Variants in RYR1 observed in about 807,000 individuals in gnomAD.
RYR1 encodes ryanodine receptor 1, also known as central core disease of muscle.
Under a neutral mutation model 583.5 loss-of-function variants are expected in RYR1, and 342 were observed. The observed-to-expected ratio is 0.59, with a 90% confidence interval of 0.54 to 0.64. The LOEUF is 0.64. Ranked by LOEUF, RYR1 falls within the 30% of genes least tolerant of loss-of-function variation. The pLI is 0.00. For synonymous variants in RYR1, 2,791 were observed against 2,822.5 expected, an observed-to-expected ratio of 0.99 and a Z score of 0.35; for missense variants, 6,032 against 6,917.2, an observed-to-expected ratio of 0.87 and a Z score of 4.54.
At chr19:38,490,577 T>C in intron 36 of RYR1, 44 bp from the exon 37 acceptor site, 1 of 1,254,388 alleles carries the variant, frequency 8.0e-7, no homozygotes, top group African/African-American at 1.5e-5. Flanking sequence ...GAGTTCCTGC[T>C]TTGGGATCTC....
In RYR1 at chr19:38,489,374, A is replaced by T; in HGVS notation, c.5745A>T (p.Glu1915Asp). 6.2e-7 allele frequency: 1 copy of T among 1,614,000 alleles called. No individual in the cohort carries two copies. Among genetic ancestry groups the T allele is most frequent in the Non-Finnish European group, 8.5e-7 (1 of 1,179,908 alleles). ...AAAAAGAGGAAGAGGAGGCAGCAGA[A>T]GGGGAGAAAGAAGAAGGCTTGGAGG... Reference protein sequence around the residue: ...DEEKEEEEAAEGEKEEGLEEG... With the variant: ...DEEKEEEEAADGEKEEGLEEG... Residue 1915 changes from glutamate to aspartate, a missense_variant, in exon 35 of 106, where the codon GAA (glutamate) becomes GAT (aspartate). Coordinates refer to ENST00000359596, the MANE Select transcript of RYR1 (RefSeq NM_000540.3).
intron 20 of RYR1, 112 bp downstream of exon 20, chr19:38,460,703 C>T (rs1034236215): frequency 1.4e-5 from 15 of 1,058,082 alleles, no homozygotes; most frequent in African/African-American, 4.7e-5. Flanking sequence ...GATGGCCAGG[C>T]GTGGTGGCTC....
Position 38,475,399 on chromosome 19 carries a change from G to C in RYR1, c.4242G>C (p.Val1414=). 1 of 1,613,978 alleles carries C rather than the reference G, an allele frequency of 6.2e-7. No individual in the cohort carries two copies. The highest frequency in any genetic ancestry group is 8.5e-7 in the Non-Finnish European group (1 of 1,179,996). ...TPTLPRLPHD[V]VPADNRDDPE... is the part of the protein sequence containing the mutation. ...CGCTGCCCCGACTCCCTCACGACGT[G>C]GTGCCTGCAGACAACCGCGATGACC... Residue 1414 remains valine (V), a synonymous_variant, in exon 29 of 106, where the codon GTG becomes GTC. Transcript: ENST00000359596.
rs1600845565 is a variant in RYR1 at position 38,505,005 on chromosome 19, T to C, written c.8234T>C (p.Val2745Ala). 2 of 1,614,172 alleles carry C rather than the reference T, an allele frequency of 1.2e-6. No homozygotes were observed. Among genetic ancestry groups the C allele is most frequent in the Non-Finnish European group, 1.7e-6 (2 of 1,180,022 alleles). ...FDPRPVETLN[V>A]IIPEKLDSFI... Reference sequence around the variant, plus strand: ...TGCTGACCCTGTGCCCCCAACAGTGTGATCATCCCGGAGAAGCTGGACTCC... The same window carrying C: ...TGCTGACCCTGTGCCCCCAACAGTGCGATCATCCCGGAGAAGCTGGACTCC... Residue 2745 changes from valine (V) to alanine (A), a missense_variant and splice_region_variant, in exon 52 of 106, where the codon GTG becomes GCG. This residue lies in a region of RYR1 where 1,493 missense variants were observed against 1,715.5 expected (regional missense o/e 0.87). Coordinates refer to ENST00000359596, the MANE Select transcript of RYR1 (RefSeq NM_000540.3).
intron 87 of RYR1, among the ~76,000 whole-genome samples, chr19:38,544,090 T>G (rs1045651410): frequency 3.3e-5 from 5 of 152,100 alleles, no homozygotes; most frequent in Admixed American, 6.6e-5. Flanking sequence ...AATCAGCTGG[T>G]TTTCCATCCA....
chr19:38,555,599 A>G (rs949480094), intron 89 of RYR1, among the ~76,000 whole-genome samples: 1 of 152,180 alleles, frequency 6.6e-6, no homozygotes, highest in Non-Finnish European at 1.5e-5. Flanking sequence ...ACAGTCCTTT[A>G]AATCATCAAA....
At chr19:38,546,589 C>T (rs1972434011) in intron 88 of RYR1, 63 bp downstream of exon 88, 1 of 1,332,694 alleles carries the variant, frequency 7.5e-7, no homozygotes, top group African/African-American at 1.5e-5. Flanking sequence ...TGAGAATGGC[C>T]CCCTGAGACC....
intron 89 of RYR1, among the ~76,000 whole-genome samples, chr19:38,548,939 T>C (rs1972546827): frequency 6.6e-6 from 1 of 152,228 alleles, no homozygotes; most frequent in African/African-American, 2.4e-5. Flanking sequence ...GTTATTACTG[T>C]TATCTTTATT....
rs900088118 is a variant in RYR1, at chr19:38,460,606, G to A, written c.2577+15G>A. On this transcript the variant is annotated intron_variant, in intron 20 of 105. Transcript: ENST00000359596. ...ACACTGTCCAGGTACTGCCTGCCCT[G>A]CAAAGGTTTTCTGGCGAGGCAGGGT... The A allele has an allele frequency of 6.2e-7, 1 of 1,606,220 alleles. No individual in the cohort carries two copies. Among genetic ancestry groups the A allele is most frequent in the East Asian group, 2.2e-5 (1 of 44,870 alleles).
At chr19:38,472,749 A>T (rs1388317301) in intron 27 of RYR1, among the ~76,000 whole-genome samples, 1 of 150,264 alleles carries the variant, frequency 6.7e-6, no homozygotes, top group Admixed American at 6.7e-5. Flanking sequence ...GTGTTGGCTC[A>T]TGCTTGAATC....
intron 39 of RYR1, among the ~76,000 whole-genome samples, chr19:38,495,592 C>T (rs1227284539): frequency 6.6e-6 from 1 of 151,996 alleles, no homozygotes; most frequent in African/African-American, 2.4e-5. Context: ...AGTGATCCTC[C>T]TGCCTTGGCC....
chr19:38,506,986 A>T, intron 57 of RYR1, 34 bp downstream of exon 57: 2 of 1,611,950 alleles, frequency 1.2e-6, no homozygotes, highest in Non-Finnish European at 1.7e-6. Context: ...GAAGAGCAGC[A>T]GGCAGAACAC....
rs755486056 is a variant in RYR1 at position 38,502,707 on chromosome 19, C to G, written c.7815C>G (p.Asp2605Glu). 6 of 1,552,286 alleles carry G rather than the reference C, an allele frequency of 3.9e-6. No homozygotes were observed. Among genetic ancestry groups the G allele is most frequent in the Non-Finnish European group, 5.2e-6 (6 of 1,144,376 alleles). Residue 2605 changes from aspartate to glutamate, a missense_variant, in exon 48 of 106, where the codon GAC becomes GAG. By Grantham distance (45) the Asp-to-Glu change is conservative. This residue lies in a region of RYR1 where 250 missense variants were observed against 162.3 expected (regional missense o/e 1.54). Coordinates refer to ENST00000359596, the MANE Select transcript of RYR1 (RefSeq NM_000540.3). ...LTKAQRDVIE[D>E]CLMSLCRYIR... ...AGGCGCAGCGTGACGTCATCGAGGA[C>G]TGCCTCATGTCGCTCTGCAGGTGGA...
intron 34 of RYR1, among the ~76,000 whole-genome samples, 160 bp from the exon 35 acceptor site, chr19:38,489,017 T>A (rs1969427847): frequency 2.6e-5 from 4 of 152,010 alleles, no homozygotes; most frequent in Admixed American, 6.6e-5. Flanking sequence ...GGAGGGTGGA[T>A]GGCAAGGCGG....
At position 38,489,173 on chromosome 19, in the gene RYR1, G is replaced by A. The variant is rs199718233; in HGVS notation, c.5548-4G>A. 6.2e-7 allele frequency: 1 copy of A among 1,614,144 alleles called. No individual in the cohort carries two copies. The highest frequency in any genetic ancestry group is 2.2e-5 in the East Asian group (1 of 44,886). ...CAGTGAAGAACCGAGACTTTGTCCTGTAGGTGATGGGCATCTTTGGCGATG... is the reference window on the plus strand; with the variant it reads ...CAGTGAAGAACCGAGACTTTGTCCTATAGGTGATGGGCATCTTTGGCGATG... On this transcript the variant is annotated splice_polypyrimidine_tract_variant and splice_region_variant and intron_variant, in intron 34 of 105. Transcript: ENST00000359596.
intron 76 of RYR1, among the ~76,000 whole-genome samples, chr19:38,531,903 T>C (rs1166067702): frequency 2.0e-5 from 3 of 152,132 alleles, no homozygotes; most frequent in African/African-American, 4.8e-5. Context: ...AGACCCTGTC[T>C]CAAGAACAAA....
chr19:38,485,933 C>T lies in RYR1; in HGVS notation c.5278C>T (p.His1760Tyr), dbSNP rs752505416. 3 of 1,613,748 alleles carry T rather than the reference C, an allele frequency of 1.9e-6. No homozygotes were observed. The South Asian group carries it at 3.3e-5, about 18-fold the overall frequency. The change falls in exon 34 of 106, where the codon CAT becomes TAT. Residue 1760 changes from histidine to tyrosine, a missense_variant. His to Tyr is a moderately conservative substitution (Grantham distance 83, BLOSUM62 2). Around this residue, in one of 11 missense-constraint regions of RYR1, gnomAD observed 2,627 missense variants for 2,961.3 expected, o/e 0.89. Coordinates refer to ENST00000359596, the MANE Select transcript of RYR1 (RefSeq NM_000540.3). ...GAGCACAGAAAATGGTCACCCCCGGCATGGCCTGCCGGGAGTTGGAGTCAC... is the reference window on the plus strand; with the variant it reads ...GAGCACAGAAAATGGTCACCCCCGGTATGGCCTGCCGGGAGTTGGAGTCAC... ...GRSTENGHPR[H>Y]GLPGVGVTTS...
rs777089653 is a variant in RYR1, at chr19:38,565,815, A to G, written c.13437+44A>G. The G allele has an allele frequency of 1.1e-5, 15 of 1,365,534 alleles. No homozygotes were observed. The South Asian group carries it at 2.6e-4, about 24-fold the overall frequency. The allele number at this position is 1,365,534 out of a possible 1,614,324, so 84.6% of individuals were successfully genotyped here. A position where few individuals can be genotyped will look rare whatever the true frequency, so the allele number is the denominator to read the frequency against. ...TTTTGGGGTTTTGGAAAGATGGGGG[A>G]TTGGAGGGAGGAAGAGAGCCCGGCT... On this transcript the variant is annotated intron_variant, in intron 91 of 105. Transcript: ENST00000359596. This position sits in a 1 kb window ranked among gnomAD's most constrained non-coding sequence, Gnocchi z 4.7.
Position 38,573,199 on chromosome 19 carries a change from G to C in RYR1, c.14021G>C (p.Arg4674Pro). 1 of 1,613,938 alleles carries C rather than the reference G, an allele frequency of 6.2e-7. No individual in the cohort carries two copies. The highest frequency in any genetic ancestry group is 8.5e-7 in the Non-Finnish European group (1 of 1,179,912). Residue 4674 changes from arginine (R) to proline (P), a missense_variant, in exon 96 of 106, where the codon CGG becomes CCG. By Grantham distance (103) the Arg-to-Pro change is moderately radical (BLOSUM62 -2). Coordinates refer to ENST00000359596, the MANE Select transcript of RYR1 (RefSeq NM_000540.3). ...CAGGTGCCCCTGGTAATCTTTAAGC[G>C]GGAGAAGGAGCTGGCCCGGAAGCTG... Reference protein sequence around the residue: ...CLKVPLVIFKREKELARKLEF... With the variant: ...CLKVPLVIFKPEKELARKLEF...
Sources: gnomAD v4.1 joint callset for allele counts (sites outside exome capture counted in the v4.1 genomes callset) on GRCh38, gnomAD v4.1.1 for gene constraint, gnomAD v4.1.1 regional missense constraint, Gnocchi (gnomAD v3.1) non-coding constraint, MANE v1.5 for transcripts, NCBI Gene and HGNC (gene_info 2026-07-23, HGNC 2026-07-21) for gene names.